Variants in NLRP2 observed in about 807,000 individuals in gnomAD.
NLRP2 encodes the protein NLR family pyrin domain containing 2.
NLRP2 carries 107 observed loss-of-function variants against 97.2 expected under a neutral mutation model. The observed-to-expected ratio is 1.10, with a 90% CI of 0.94 to 1.29. The LOEUF (loss-of-function observed/expected upper bound fraction) is 1.29. NLRP2 is among the 50% of genes most tolerant of loss of function. The pLI, the probability that NLRP2 is intolerant of heterozygous loss-of-function variation, is 0.00. For synonymous variants in NLRP2, 663 were observed against 551.5 expected (o/e 1.20, Z -2.83); for missense variants, 1,495 against 1,330.3 (o/e 1.12, Z -1.93).
rs1235846450 is a variant in NLRP2, at chr19:54,990,535, C to T, written c.2571C>T (p.Cys857=). 4 of 1,614,048 alleles carry T rather than the reference C, an allele frequency of 2.5e-6. No homozygotes were observed. The highest frequency in any genetic ancestry group is 3.4e-6 in the Non-Finnish European group (4 of 1,180,038). Residue 857 remains cysteine, a synonymous_variant, in exon 10 of 13, where the codon TGC becomes TGT. Transcript: ENST00000448584. The stretch of plus-strand genomic sequence containing the variant: ...ACTGTCACCTTACAGAAGCCAATTG[C>T]AAGGACCTTGCTGCTGTGTTGGTTG... The part of the protein sequence containing the change: ...LENCHLTEAN[C]KDLAAVLVVS...
intron 1 of NLRP2, among the ~76,000 whole-genome samples, chr19:54,967,030 A>G (rs924922222): frequency 2.0e-5 from 3 of 151,274 alleles, no homozygotes; most frequent in Non-Finnish European, 4.4e-5. Flanking sequence ...TATTATTACC[A>G]CTGTTTGCAG....
chr19:55,000,607 A>AG (rs1210432245), intron 12 of NLRP2, among the ~76,000 whole-genome samples, 153 bp from the exon 13 acceptor site: 1 of 151,558 alleles, frequency 6.6e-6, no homozygotes, highest in African/African-American at 2.4e-5. Context: ...AAAAAAAAAA[A>AG]AAATCAATGT....
Position 54,982,307 on chromosome 19 carries a change from G to A in NLRP2, c.609G>A (p.Gly203=). ...IPFSNPRVLP[G]PFSYTVVLYG... ...TCAGCAACCCCAGGGTGCTTCCCGG[G>A]CCCTTCTCATACACGGTGGTGCTGT... is the stretch of plus-strand genomic sequence containing the variant. The change falls in exon 6 of 13, where the codon GGG becomes GGA. Residue 203 remains glycine (G), a synonymous_variant. Coordinates refer to ENST00000448584, the MANE Select transcript of NLRP2 (RefSeq NM_017852.5). The A allele has an allele frequency of 1.9e-6, 3 of 1,614,108 alleles. No individual in the cohort carries two copies. Among genetic ancestry groups the A allele is most frequent in the Non-Finnish European group, 1.7e-6 (2 of 1,180,030 alleles).
chr19:54,990,113 G>A lies in NLRP2; in HGVS notation c.2458G>A (p.Asp820Asn), dbSNP rs771213726. The A allele has an allele frequency of 2.0e-5, 32 of 1,613,986 alleles. No homozygotes were observed. The highest frequency in any genetic ancestry group is 8.9e-5 in the East Asian group (4 of 44,894). The change falls in exon 9 of 13, where the codon GAC (aspartate) becomes AAC (asparagine). Residue 820 changes from aspartate to asparagine, a missense_variant. Asp to Asn is a conservative substitution (Grantham distance 23). Transcript: ENST00000448584. ...NQSLTCVNLS[D>N]NELLDEGAKL... ...GTCCCTGACGTGCGTAAACCTCTCC[G>A]ACAATGAGCTTCTGGATGAGGGTGC...
rs572155411 is a variant in NLRP2, at chr19:54,983,065, A to C, written c.1367A>C (p.Gln456Pro). The change falls in exon 6 of 13, where the codon CAG becomes CCG. Residue 456 changes from glutamine to proline, a missense_variant. By Grantham distance (76) the Gln-to-Pro change is moderately conservative (BLOSUM62 -1). Coordinates refer to ENST00000448584, the MANE Select transcript of NLRP2 (RefSeq NM_017852.5). ...CGGACGCTGAGCCTCCTGGCCGCGC[A>C]GGGCCTGTGGGCGCAGACGTCCGTG... is the stretch of plus-strand genomic sequence containing the variant. ...ALRTLSLLAA[Q>P]GLWAQTSVLH... 3.1e-6 allele frequency: 5 copies of C among 1,612,042 alleles called. No individual in the cohort carries two copies. Among genetic ancestry groups the C allele is most frequent in the Non-Finnish European group, 4.2e-6 (5 of 1,179,558 alleles).
At chr19:54,984,329 G>GTGTGTTGTTTTTTTTTTT in intron 6 of NLRP2, among the ~76,000 whole-genome samples, 3 of 79,668 alleles carry the variant, frequency 3.8e-5, no homozygotes, top group Non-Finnish European at 7.5e-5. Flanking sequence ...TTTTTTTTGT[G>GTGTGTTGTTTTTTTTTTT]TTTTTTTTTT....
At chr19:54,975,702 T>C (rs1467010178) in intron 3 of NLRP2, among the ~76,000 whole-genome samples, 1 of 152,042 alleles carries the variant, frequency 6.6e-6, no homozygotes, top group Non-Finnish European at 1.5e-5. Flanking sequence ...TCCGCCCGCC[T>C]CGGCCTCCCA....
intron 11 of NLRP2, among the ~76,000 whole-genome samples, chr19:54,996,817 A>G (rs771062652): frequency 6.6e-6 from 1 of 151,660 alleles, no homozygotes; most frequent in Admixed American, 6.6e-5. Context: ...TTGTAGCCAG[A>G]ACCCCCAGTT....
intron 8 of NLRP2, chr19:54,986,546 T>G: frequency 1.8e-6 from 1 of 554,596 alleles, no homozygotes; most frequent in Non-Finnish European, 3.2e-6. Context: ...ACTCCCAGAA[T>G]CTTTATCATC....
At chr19:54,966,780 C>T (rs2070453357) in intron 1 of NLRP2, among the ~76,000 whole-genome samples, 1 of 150,608 alleles carries the variant, frequency 6.6e-6, no homozygotes, top group South Asian at 2.1e-4. Context: ...TCCGCCTCGG[C>T]CTCCCAAGGT....
At chr19:54,968,119 T>C (rs2070594706) in intron 1 of NLRP2, among the ~76,000 whole-genome samples, 1 of 152,080 alleles carries the variant, frequency 6.6e-6, no homozygotes, top group Non-Finnish European at 1.5e-5. Context: ...GGTTTCACTA[T>C]GTTGGCCAGG....
chr19:54,971,574 G>C (rs2070855086), intron 2 of NLRP2, among the ~76,000 whole-genome samples: 1 of 151,528 alleles, frequency 6.6e-6, no homozygotes, highest in Admixed American at 6.6e-5. Context: ...GATGGCCAGT[G>C]ATGATGAGCA....
intron 3 of NLRP2, 42 bp downstream of exon 3, chr19:54,974,586 C>A (rs1226993931): frequency 2.2e-6 from 3 of 1,347,580 alleles, no homozygotes; most frequent in Non-Finnish European, 3.2e-6. Flanking sequence ...CATGTGAGAT[C>A]TGGGGACTCG....
intron 10 of NLRP2, chr19:54,993,974 C>G (rs1278280957): frequency 2.0e-6 from 1 of 503,848 alleles, no homozygotes. Context: ...CTCTCAGCTC[C>G]CTCTTATGAG....
At chr19:54,995,085 G>A (rs1301481590) in intron 11 of NLRP2, among the ~76,000 whole-genome samples, 4 of 150,960 alleles carry the variant, frequency 2.6e-5, no homozygotes, top group Non-Finnish European at 3.0e-5. Context: ...AGGCCGAAGC[G>A]GGCGGATCAC....
chr19:54,973,345 T>C lies in NLRP2; in HGVS notation c.281-1155T>C, dbSNP rs956706371. Among the ~76,000 whole-genome samples, 4 of 19,054 alleles carry C rather than the reference T, an allele frequency of 2.1e-4. 1 individual carries two copies. The highest frequency in any genetic ancestry group is 3.4e-4 in the Non-Finnish European group (4 of 11,876). 12.5% of individuals were successfully genotyped at this position (19,054 alleles called of 152,430 possible). A position where few individuals can be genotyped will look rare whatever the true frequency, so the allele number is the denominator to read the frequency against. ...TCCTGTCTTTAACAATGGGTGAGGG[T>C]TTTTTTTTTTTTTTTTTTGGTTTGG... On this transcript the variant is annotated intron_variant, in intron 2 of 12. Coordinates refer to ENST00000448584, the MANE Select transcript of NLRP2 (RefSeq NM_017852.5).
intron 3 of NLRP2, 35 bp downstream of exon 3, chr19:54,974,579 G>A (rs752333744): frequency 5.0e-6 from 7 of 1,404,494 alleles, no homozygotes; most frequent in Non-Finnish European, 1.0e-6. Context: ...TATTCTTCAT[G>A]TGAGATCTGG....
intron 4 of NLRP2, 89 bp from the exon 5 acceptor site, chr19:54,981,528 C>CCCCCCCCCCCCCCCCCCT: frequency 1.7e-6 from 1 of 584,216 alleles, no homozygotes; most frequent in Non-Finnish European, 3.3e-6. Flanking sequence ...CCCCCCCGCC[C>CCCCCCCCCCCCCCCCCCT]CATCAGCCTG....
rs764960155 is a variant in NLRP2 at position 54,997,479 on chromosome 19, G to A, written c.3042G>A (p.Arg1014=). The A allele has an allele frequency of 4.3e-6, 7 of 1,614,158 alleles. No homozygotes were observed. The East Asian group carries it at 1.6e-4, about 36-fold the overall frequency. Reference sequence around the variant, plus strand: ...TGACATGTTCCAGTGGCACCCTCCGGACACTCAGGTATGATCCATTTACTT... The same window carrying A: ...TGACATGTTCCAGTGGCACCCTCCGAACACTCAGGTATGATCCATTTACTT... ...ETLTCSSGTL[R]TLRLKIDDFN... is the part of the protein sequence containing the mutation. The change falls in exon 12 of 13, where the codon CGG becomes CGA. Residue 1014 remains arginine, a synonymous_variant. Transcript: ENST00000448584.
Sources: allele counts gnomAD v4.1 joint callset (sites outside exome capture counted in the v4.1 genomes callset), GRCh38; gene constraint gnomAD v4.1.1; transcripts MANE v1.5; gene names NCBI Gene and HGNC (gene_info 2026-07-23, HGNC 2026-07-21).